The following ME1 variants were observed in gnomAD, a reference collection of about 807,000 sequenced individuals.
ME1 encodes the protein malic enzyme 1, also known as NADP-dependent malic enzyme.
Under a neutral mutation model 66.4 loss-of-function variants are expected in ME1, and 74 were observed. The observed-to-expected ratio is 1.11, with a 90% CI of 0.92 to 1.35. The LOEUF (loss-of-function observed/expected upper bound fraction) is 1.35, where lower values mean the gene tolerates loss of function less well. Among genes scored for constraint, ME1 ranks in the 40% most tolerant of loss-of-function variants. The pLI is 0.00. For missense variants in ME1, 750 were observed against 694.1 expected, an observed-to-expected ratio of 1.08 and a Z score of -0.90; for synonymous variants, 251 against 235.6, an observed-to-expected ratio of 1.07 and a Z score of -0.60.
chr6:83,408,035 G>T, intron 1 of ME1, 134 bp from the exon 2 acceptor site: 2 of 986,460 alleles, frequency 2.0e-6, no homozygotes, highest in Non-Finnish European at 2.8e-6. Flanking sequence ...TGGCCATGTG[G>T]CTGTGAGTAA....
At chr6:83,301,322 C>T (rs888970219) in intron 6 of ME1, among the ~76,000 whole-genome samples, 1 of 134,770 alleles carries the variant, frequency 7.4e-6, no homozygotes, top group African/African-American at 3.1e-5. Context: ...CTTTCTCTCT[C>T]TCTCTCTCTC....
intron 5 of ME1, among the ~76,000 whole-genome samples, chr6:83,322,648 G>C (rs1186594087): frequency 3.3e-5 from 5 of 152,098 alleles, no homozygotes; most frequent in African/African-American, 1.2e-4. Flanking sequence ...AAGAAATATG[G>C]GACTATGTGA....
At position 83,405,823 on chromosome 6, in the gene ME1, G is replaced by A. The variant is rs1424322462; in HGVS notation, c.212+1945C>T. On this transcript the variant is annotated intron_variant, in intron 2 of 13. Coordinates refer to ENST00000369705, the MANE Select transcript of ME1 (RefSeq NM_002395.6). Reference sequence around the variant, plus strand: ...TGCAAGCTCCGCCTCCCGGGTTCACGCCATTCTCCTGCCTCAGCCTCCCAA... The same window carrying A: ...TGCAAGCTCCGCCTCCCGGGTTCACACCATTCTCCTGCCTCAGCCTCCCAA... Among the ~76,000 whole-genome samples, 30 of 147,954 alleles carry A rather than the reference G, an allele frequency of 2.0e-4. 1 individual carries two copies. Among genetic ancestry groups the A allele is most frequent in the Admixed American group, 1.0e-3 (15 of 14,676 alleles).
chr6:83,414,861 A>C (rs1770129256), intron 1 of ME1, among the ~76,000 whole-genome samples: 1 of 152,200 alleles, frequency 6.6e-6, no homozygotes, highest in Non-Finnish European at 1.5e-5. Flanking sequence ...TTATCATAAC[A>C]AGTTGTAAGG....
chr6:83,381,489 C>G (rs1469215687), intron 3 of ME1, among the ~76,000 whole-genome samples: 1 of 151,080 alleles, frequency 6.6e-6, no homozygotes, highest in Non-Finnish European at 1.5e-5. Flanking sequence ...TTGAGAAAGT[C>G]TTATGTACAG....
At chr6:83,427,120 A>T (rs890969329) in intron 1 of ME1, among the ~76,000 whole-genome samples, 1 of 152,234 alleles carries the variant, frequency 6.6e-6, no homozygotes, top group East Asian at 1.9e-4. Flanking sequence ...ACATTTATAT[A>T]AAACCGGCAA....
chr6:83,381,710 C>T (rs549425572), intron 3 of ME1, among the ~76,000 whole-genome samples: 5 of 152,218 alleles, frequency 3.3e-5, no homozygotes, highest in African/African-American at 1.2e-4. Flanking sequence ...TTAAGAGGAT[C>T]AAGTGCATTC....
intron 3 of ME1, among the ~76,000 whole-genome samples, chr6:83,390,102 T>G (rs1383708098): frequency 6.6e-6 from 1 of 152,182 alleles, no homozygotes; most frequent in Non-Finnish European, 1.5e-5. Flanking sequence ...CAAGAATTTA[T>G]TTTGGGATAC....
intron 3 of ME1, among the ~76,000 whole-genome samples, chr6:83,367,472 T>G (rs1769119886): frequency 6.6e-6 from 1 of 152,220 alleles, no homozygotes; most frequent in Non-Finnish European, 1.5e-5. Context: ...GGCTGCGGTG[T>G]CTCCATTGAA....
intron 7 of ME1, among the ~76,000 whole-genome samples, chr6:83,241,593 GAATT>G (rs137933257): frequency 0.034 from 5,110 of 152,040 alleles, 294 homozygotes; most frequent in African/African-American, 0.12. Flanking sequence ...TCCATTTATA[GAATT>G]AATTAATAAA....
chr6:83,342,073 T>C (rs894543035), intron 5 of ME1, among the ~76,000 whole-genome samples: 1 of 152,150 alleles, frequency 6.6e-6, no homozygotes, highest in Non-Finnish European at 1.5e-5. Context: ...GTGTGACCTT[T>C]GTAACTTCAC....
intron 4 of ME1, among the ~76,000 whole-genome samples, chr6:83,351,184 C>G (rs546590515): frequency 1.2e-3 from 185 of 152,098 alleles, no homozygotes; most frequent in African/African-American, 4.4e-3. Context: ...TGCGTGAGGT[C>G]AGGAGTTCAA....
chr6:83,288,473 G>A (rs1767438636), intron 6 of ME1, among the ~76,000 whole-genome samples: 1 of 152,016 alleles, frequency 6.6e-6, no homozygotes, highest in Non-Finnish European at 1.5e-5. Context: ...GTAGATGTGT[G>A]GTGTTATTTC....
chr6:83,362,185 T>G (rs1769018231), intron 3 of ME1, among the ~76,000 whole-genome samples: 1 of 152,188 alleles, frequency 6.6e-6, no homozygotes, highest in Non-Finnish European at 1.5e-5. Flanking sequence ...AAAGGAGACA[T>G]GGTCAGATGT....
chr6:83,376,009 T>C lies in ME1; in HGVS notation c.362+22358A>G, dbSNP rs866066827. Among the ~76,000 whole-genome samples, 15 of 152,330 alleles carry C rather than the reference T, an allele frequency of 9.8e-5. No homozygotes were observed. In the Middle Eastern group the frequency reaches 0.017, roughly 173 times the overall value. Reference sequence around the variant, plus strand: ...GAAGTGTTTCATACTCTCTAGTTCATAAATAACTTGTAGTTTCTGCTATAT... The same window carrying C: ...GAAGTGTTTCATACTCTCTAGTTCACAAATAACTTGTAGTTTCTGCTATAT... On this transcript the variant is annotated intron_variant, in intron 3 of 13. Transcript: ENST00000369705.
At chr6:83,290,850 GA>G (rs1767488618) in intron 6 of ME1, among the ~76,000 whole-genome samples, 1 of 152,174 alleles carries the variant, frequency 6.6e-6, no homozygotes, top group Non-Finnish European at 1.5e-5. Context: ...TCTTCTTGTT[GA>G]ATTGATCCCT....
At chr6:83,297,561 C>T (rs923163493) in intron 6 of ME1, among the ~76,000 whole-genome samples, 1 of 151,508 alleles carries the variant, frequency 6.6e-6, no homozygotes, top group African/African-American at 2.4e-5. Flanking sequence ...TAAGGCTGAG[C>T]ACTTACGACC....
chr6:83,275,989 C>T lies in ME1; in HGVS notation c.705-22251G>A, dbSNP rs150562398. On this transcript the variant is annotated intron_variant, in intron 6 of 13. Transcript: ENST00000369705. ...GTTTCACCATGTTAGCCAGGATGGT[C>T]GCGATCTTCTGACCTCGTGATCTGC... Among the ~76,000 whole-genome samples, 994 of 151,808 alleles carry T rather than the reference C, an allele frequency of 6.5e-3. 11 individuals are homozygous for T. The highest frequency in any genetic ancestry group is 0.023 in the African/African-American group (942 of 41,374).
chr6:83,349,003 A>AC lies in ME1; in HGVS notation c.439-2670_439-2669insG, dbSNP rs1374667479. Among the ~76,000 whole-genome samples, 43 of 143,542 alleles carry AC rather than the reference A, an allele frequency of 3.0e-4. 2 individuals carry two copies. The highest frequency in any genetic ancestry group is 1.9e-3 in the Admixed American group (27 of 14,280). The allele number at this position is 143,542 out of a possible 152,430, so 94.2% of individuals were successfully genotyped here. A position where few individuals can be genotyped will look rare whatever the true frequency, so the allele number is the denominator to read the frequency against. On this transcript the variant is annotated intron_variant, in intron 4 of 13. Transcript: ENST00000369705. ...CTGTCTCAAAAAAAAAAAAAAAAAC[A>AC]AAAAACAAAAAACAGTGCATTCTTT...
Sources: allele counts gnomAD v4.1 joint callset (sites outside exome capture counted in the v4.1 genomes callset), GRCh38; gene constraint gnomAD v4.1.1; transcripts MANE v1.5; gene names NCBI Gene and HGNC (gene_info 2026-07-23, HGNC 2026-07-21).